DLG2: variants seen among roughly 807,000 people sequenced by gnomAD.
DLG2 encodes the protein discs large MAGUK scaffold protein 2.
Under a neutral mutation model 132.5 loss-of-function variants are expected in DLG2, and 45 were observed. The ratio of observed to expected loss-of-function variants is 0.34; its 90% confidence interval spans 0.27 to 0.44. DLG2 has a LOEUF of 0.44. Ranked by LOEUF, DLG2 falls within the 20% of genes least tolerant of loss-of-function variation. The pLI, the probability that DLG2 is intolerant of heterozygous loss-of-function variation, is 1.00. For missense variants in DLG2, 1,045 were observed against 1,196.9 expected (o/e 0.87, Z 1.87); for synonymous variants, 424 against 419.6 (o/e 1.01, Z -0.13).
At chr11:83,982,480 T>TAAAAAAAAA (rs58418988) in intron 11 of DLG2, among the ~76,000 whole-genome samples, 2 of 68,612 alleles carry the variant, frequency 2.9e-5, no homozygotes, top group East Asian at 2.9e-4. Flanking sequence ...GTTTAACGTG[T>TAAAAAAAAA]AAAAAAAAAA....
At chr11:85,386,570 T>C (rs1443235267) in intron 3 of DLG2, among the ~76,000 whole-genome samples, 49 of 152,116 alleles carry the variant, frequency 3.2e-4, no homozygotes, top group Admixed American at 3.1e-3. Context: ...TCCTTGCACA[T>C]AGGTACATGA....
chr11:84,712,866 C>T (rs750587670), intron 6 of DLG2, among the ~76,000 whole-genome samples: 11 of 152,020 alleles, frequency 7.2e-5, no homozygotes, highest in Non-Finnish European at 1.3e-4. Flanking sequence ...GAGGTCATGA[C>T]GTAGAAAGAA....
At chr11:84,206,748 C>T (rs890182515) in intron 8 of DLG2, among the ~76,000 whole-genome samples, 1 of 151,886 alleles carries the variant, frequency 6.6e-6, no homozygotes, top group African/African-American at 2.4e-5. Flanking sequence ...GAGACCTTAG[C>T]ATGGACATTA....
chr11:84,515,949 C>A lies in DLG2; in HGVS notation c.519+18621G>T, dbSNP rs568369054. ...AATGGGAGAAACTTTGGAAAATTCA[C>A]AAATAAACATGAAAATTAAACAAAC... On this transcript the variant is annotated intron_variant, in intron 7 of 27. Coordinates refer to ENST00000376104, the MANE Select transcript of DLG2 (RefSeq NM_001142699.3). Among the ~76,000 whole-genome samples, 19 of 149,964 alleles carry A rather than the reference C, an allele frequency of 1.3e-4. No individual in the cohort carries two copies. In the South Asian group the frequency reaches 4.0e-3, roughly 32 times the overall value.
chr11:84,978,069 G>C (rs2055178695), intron 6 of DLG2, among the ~76,000 whole-genome samples: 1 of 152,114 alleles, frequency 6.6e-6, no homozygotes, highest in African/African-American at 2.4e-5. Context: ...TAAATGTCTT[G>C]AAGGGGAAGG....
At chr11:85,095,001 G>T (rs1030196575) in intron 6 of DLG2, among the ~76,000 whole-genome samples, 6 of 152,132 alleles carry the variant, frequency 3.9e-5, no homozygotes, top group Non-Finnish European at 8.8e-5. Flanking sequence ...TTTCAATATT[G>T]TTGTGTCTCA....
chr11:84,163,271 T>A (rs899052167), intron 9 of DLG2, among the ~76,000 whole-genome samples, 190 bp downstream of exon 9: 2 of 152,138 alleles, frequency 1.3e-5, no homozygotes, highest in African/African-American at 4.8e-5. Flanking sequence ...TACTAAACAT[T>A]CAGTTATTTG....
intron 3 of DLG2, among the ~76,000 whole-genome samples, chr11:85,568,326 T>C (rs936503039): frequency 5.9e-5 from 9 of 152,130 alleles, no homozygotes; most frequent in African/African-American, 1.9e-4. Flanking sequence ...CTAGATTTTG[T>C]TTGCTAACAT....
intron 10 of DLG2, 105 bp from the exon 11 acceptor site, chr11:84,059,589 A>G: frequency 1.1e-6 from 1 of 887,662 alleles, no homozygotes; most frequent in East Asian, 3.1e-5. Flanking sequence ...TAAAGAATCT[A>G]AAAAATTTTA....
chr11:83,581,794 C>T (rs567171321), intron 19 of DLG2, among the ~76,000 whole-genome samples: 61 of 152,210 alleles, frequency 4.0e-4, no homozygotes, highest in Middle Eastern at 3.4e-3. Flanking sequence ...TCTTTTCAAA[C>T]ATTCCATTTT....
chr11:83,946,501 C>A (rs570435163), intron 14 of DLG2, among the ~76,000 whole-genome samples: 1 of 152,274 alleles, frequency 6.6e-6, no homozygotes, highest in Admixed American at 6.5e-5. Context: ...GACTAATGGG[C>A]TATCAGAGTT....
chr11:85,063,217 T>G (rs1425902855), intron 6 of DLG2, among the ~76,000 whole-genome samples: 41 of 151,814 alleles, frequency 2.7e-4, no homozygotes, highest in Non-Finnish European at 4.4e-5. Context: ...TAGGGCAAAC[T>G]GCATCCAATG....
At chr11:83,779,050 G>C (rs919541599) in intron 18 of DLG2, among the ~76,000 whole-genome samples, 1 of 152,026 alleles carries the variant, frequency 6.6e-6, no homozygotes, top group African/African-American at 2.4e-5. Flanking sequence ...GTCATGTAAA[G>C]TTTTATTTAA....
At chr11:84,643,209 T>G (rs893367982) in intron 6 of DLG2, among the ~76,000 whole-genome samples, 4 of 152,190 alleles carry the variant, frequency 2.6e-5, no homozygotes, top group Non-Finnish European at 4.4e-5. Flanking sequence ...GCGAGGTGAT[T>G]AGACTGCCAA....
intron 4 of DLG2, among the ~76,000 whole-genome samples, chr11:85,233,054 G>T: frequency 6.6e-6 from 1 of 151,828 alleles, no homozygotes; most frequent in Admixed American, 6.6e-5. Context: ...TTTTGTACCT[G>T]TGATTTCTTT....
intron 3 of DLG2, among the ~76,000 whole-genome samples, chr11:85,574,134 C>T (rs2078010053): frequency 6.6e-6 from 1 of 151,972 alleles, no homozygotes; most frequent in African/African-American, 2.4e-5. Flanking sequence ...ATGTTAACTA[C>T]CTCAGTTGTG....
In DLG2 at chr11:84,367,459, T is replaced by C. The variant is rs80327109; in HGVS notation, c.520-116168A>G. On this transcript the variant is annotated intron_variant, in intron 7 of 27. Transcript: ENST00000376104. ...GTCAAGTCCCATTCAAGCAGGATGA[T>C]TGTTTGAAGTCTCGACGGCTGTGTG... 2.0e-3 allele frequency among the ~76,000 whole-genome samples: 311 copies of C among 152,220 alleles called. 3 individuals carry two copies. The East Asian group carries it at 0.037, about 18-fold the overall frequency.
At chr11:84,107,600 C>G (rs1294808499) in intron 9 of DLG2, among the ~76,000 whole-genome samples, 1 of 151,966 alleles carries the variant, frequency 6.6e-6, no homozygotes, top group African/African-American at 2.4e-5. Context: ...AAAATAAGTT[C>G]GCTTTTGACA....
At chr11:83,562,963 ATTCTTTT>A (rs138713218) in intron 19 of DLG2, among the ~76,000 whole-genome samples, 7 of 119,782 alleles carry the variant, frequency 5.8e-5, no homozygotes, top group African/African-American at 2.2e-4. Flanking sequence ...TGTTTCCCTA[ATTCTTTT>A]TTTTTTTTTT....
Sources: gnomAD v4.1 joint callset for allele counts (sites outside exome capture counted in the v4.1 genomes callset) on GRCh38, gnomAD v4.1.1 for gene constraint, MANE v1.5 for transcripts, NCBI Gene and HGNC (gene_info 2026-07-23, HGNC 2026-07-21) for gene names.